Variants in MRTFA observed in about 807,000 individuals in gnomAD.
MRTFA encodes myocardin related transcription factor A.
MRTFA carries 20 observed loss-of-function variants against 83.5 expected under a neutral mutation model. That is an observed-to-expected ratio of 0.24 (90% CI 0.17 to 0.35). MRTFA has a LOEUF of 0.35. MRTFA is among the 10% of genes least tolerant of loss of function. MRTFA has a pLI of 1.00. For synonymous variants in MRTFA, 659 were observed against 541.2 expected (o/e 1.22, Z -3.02); for missense variants, 1,200 against 1,224.7 (o/e 0.98, Z 0.30).
intron 3 of MRTFA, among the ~76,000 whole-genome samples, chr22:40,493,968 A>T (rs1475353339): frequency 6.6e-6 from 1 of 152,218 alleles, no homozygotes; most frequent in Non-Finnish European, 1.5e-5. Context: ...AGAGTTGCCT[A>T]GCTAACAACT....
chr22:40,463,948 T>G (rs1387630876), intron 3 of MRTFA, among the ~76,000 whole-genome samples: 5 of 152,176 alleles, frequency 3.3e-5, no homozygotes, highest in Admixed American at 3.3e-4. Flanking sequence ...TTCTCTTATT[T>G]TCACTCTGGC....
intron 12 of MRTFA, among the ~76,000 whole-genome samples, chr22:40,417,983 C>T (rs922969462): frequency 2.0e-5 from 3 of 152,136 alleles, no homozygotes; most frequent in Non-Finnish European, 4.4e-5. Context: ...GAGGAGAGGA[C>T]CCTGAGCTGG....
At chr22:40,538,884 G>T (rs1481457883) in intron 3 of MRTFA, among the ~76,000 whole-genome samples, 1 of 150,520 alleles carries the variant, frequency 6.6e-6, no homozygotes, top group Non-Finnish European at 1.5e-5. Flanking sequence ...AGAACAAAAG[G>T]TTTGCTTCTA....
At chr22:40,418,227 G>A (rs1004498226) in intron 12 of MRTFA, 147 bp downstream of exon 12, 8 of 1,428,890 alleles carry the variant, frequency 5.6e-6, no homozygotes, top group Non-Finnish European at 7.4e-6. Flanking sequence ...ACTTTCCTAA[G>A]TCTCAGTACC....
At chr22:40,583,092 CA>C (rs1375885908) in intron 2 of MRTFA, among the ~76,000 whole-genome samples, 2 of 152,096 alleles carry the variant, frequency 1.3e-5, no homozygotes, top group African/African-American at 4.8e-5. Context: ...GAGAGCTACA[CA>C]AGAGCTCTAT....
At chr22:40,531,167 T>A (rs954173569) in intron 3 of MRTFA, among the ~76,000 whole-genome samples, 1 of 151,772 alleles carries the variant, frequency 6.6e-6, no homozygotes, top group Non-Finnish European at 1.5e-5. Context: ...GGCATGATCA[T>A]AGCTTGTTGC....
intron 4 of MRTFA, among the ~76,000 whole-genome samples, chr22:40,443,692 C>A (rs61675795): frequency 1.3e-5 from 2 of 152,090 alleles, no homozygotes; most frequent in East Asian, 1.9e-4. Flanking sequence ...CCCACCTCCC[C>A]CTAAAGGCCA....
intron 1 of MRTFA, among the ~76,000 whole-genome samples, chr22:40,623,112 T>C (rs1000622410): frequency 1.1e-4 from 17 of 152,172 alleles, no homozygotes; most frequent in African/African-American, 3.9e-4. Context: ...TTTGGTAGAA[T>C]TGGGGACTGG....
At chr22:40,508,508 T>C (rs1230887725) in intron 3 of MRTFA, among the ~76,000 whole-genome samples, 4 of 99,448 alleles carry the variant, frequency 4.0e-5, no homozygotes, top group Admixed American at 2.7e-4. Flanking sequence ...ACAGACTCCG[T>C]CTCTCAAAAA....
chr22:40,616,685 A>G (rs1453226183), intron 1 of MRTFA, among the ~76,000 whole-genome samples: 1 of 152,176 alleles, frequency 6.6e-6, no homozygotes, highest in Non-Finnish European at 1.5e-5. Flanking sequence ...AGAAATGGGG[A>G]ACGTTGGAGC....
At chr22:40,566,568 T>C (rs904584900) in intron 2 of MRTFA, among the ~76,000 whole-genome samples, 4 of 152,032 alleles carry the variant, frequency 2.6e-5, no homozygotes, top group African/African-American at 4.8e-5. Context: ...TGGTGGCTCA[T>C]GCCTGTAATC....
chr22:40,500,151 G>A (rs1473264472), intron 3 of MRTFA, among the ~76,000 whole-genome samples: 5 of 150,416 alleles, frequency 3.3e-5, no homozygotes, highest in African/African-American at 9.7e-5. Context: ...GGCTGGTCTC[G>A]AACTCCTGAT....
At chr22:40,596,848 A>G (rs888697574) in intron 1 of MRTFA, among the ~76,000 whole-genome samples, 2 of 151,816 alleles carry the variant, frequency 1.3e-5, no homozygotes, top group Admixed American at 1.3e-4. Context: ...GGTGGTACAC[A>G]CCTGTAATCC....
At chr22:40,470,915 C>CAA in intron 3 of MRTFA, among the ~76,000 whole-genome samples, 1 of 151,858 alleles carries the variant, frequency 6.6e-6, no homozygotes, top group African/African-American at 2.4e-5. Context: ...TGCCACTGCA[C>CAA]TCCAGCCTAG....
chr22:40,592,841 G>A (rs372921492), intron 2 of MRTFA, among the ~76,000 whole-genome samples: 2 of 152,014 alleles, frequency 1.3e-5, no homozygotes, highest in East Asian at 3.9e-4. Context: ...CCCTCAACCA[G>A]GTGAAACAGC....
At chr22:40,516,021 T>C (rs988762366) in intron 3 of MRTFA, among the ~76,000 whole-genome samples, 4 of 152,154 alleles carry the variant, frequency 2.6e-5, no homozygotes, top group Non-Finnish European at 5.9e-5. Context: ...ATTGAATCGG[T>C]TGACCAAAAG....
In MRTFA at chr22:40,440,151, C is replaced by CAAAAAA. The variant is rs376161982; in HGVS notation, c.308-4603_308-4598dup. 3.5e-4 allele frequency among the ~76,000 whole-genome samples: 25 copies of CAAAAAA among 70,762 alleles called. 1 individual carries two copies. The highest frequency in any genetic ancestry group is 1.3e-3 in the African/African-American group (25 of 18,742). 46.4% of individuals were successfully genotyped at this position (70,762 alleles called of 152,430 possible). A position where few individuals can be genotyped will look rare whatever the true frequency, so the allele number is the denominator to read the frequency against. Reference sequence around the variant, plus strand: ...TGGGTGACAGAGTGAGACTCCGTCTCAAAAAAAAAAAAAAAAAAAAGAATT... The same window carrying CAAAAAA: ...TGGGTGACAGAGTGAGACTCCGTCTCAAAAAAAAAAAAAAAAAAAAAAAAAAGAATT... On this transcript the variant is annotated intron_variant, in intron 4 of 14. Transcript: ENST00000355630.
intron 2 of MRTFA, among the ~76,000 whole-genome samples, chr22:40,570,533 G>A (rs779043142): frequency 1.8e-4 from 25 of 139,146 alleles, no homozygotes; most frequent in African/African-American, 5.4e-4. Context: ...AGCTGGGATC[G>A]TGCCACTGCA....
intron 3 of MRTFA, among the ~76,000 whole-genome samples, chr22:40,536,325 A>AGCC (rs755134981): frequency 0.03 from 4,502 of 151,602 alleles, 123 homozygotes; most frequent in Non-Finnish European, 0.04. Context: ...AATGGGCCGA[A>AGCC]GCCGCCGCCG....
Sources: gnomAD v4.1 joint callset for allele counts (sites outside exome capture counted in the v4.1 genomes callset) on GRCh38, gnomAD v4.1.1 for gene constraint, MANE v1.5 for transcripts, NCBI Gene and HGNC (gene_info 2026-07-23, HGNC 2026-07-21) for gene names.